DNAH5: variants seen among roughly 807,000 people sequenced by gnomAD.
DNAH5 encodes dynein axonemal heavy chain 5.
DNAH5 carries 372 observed loss-of-function variants against 518.2 expected under a neutral mutation model. The ratio of observed to expected loss-of-function variants is 0.72; its 90% confidence interval spans 0.66 to 0.78. DNAH5 has a LOEUF of 0.78. DNAH5 is among the 30% of genes least tolerant of loss of function. DNAH5 has a pLI of 0.00. For synonymous variants in DNAH5, 2,039 were observed against 2,025.9 expected, an observed-to-expected ratio of 1.01 and a Z score of -0.17; for missense variants, 5,523 against 5,687.0, an observed-to-expected ratio of 0.97 and a Z score of 0.93.
intron 62 of DNAH5, 48 bp downstream of exon 62, chr5:13,754,155 C>T (rs1416273965): frequency 6.2e-6 from 10 of 1,610,836 alleles, no homozygotes; most frequent in Non-Finnish European, 8.5e-6. Flanking sequence ...CTTTCGAATT[C>T]CCTATCACAG....
chr5:13,710,815 G>C (rs1418836589), intron 75 of DNAH5, among the ~76,000 whole-genome samples: 1 of 152,112 alleles, frequency 6.6e-6, no homozygotes, highest in Non-Finnish European at 1.5e-5. Flanking sequence ...GCTTTTATCA[G>C]GAAGAATTAG....
intron 3 of DNAH5, among the ~76,000 whole-genome samples, chr5:13,924,430 C>T (rs921600676): frequency 6.6e-6 from 1 of 151,826 alleles, no homozygotes; most frequent in African/African-American, 2.4e-5. Context: ...AATCCCAGCA[C>T]CTTGGGAGGC....
chr5:13,944,626 T>C lies in DNAH5; in HGVS notation c.-188A>G. The C allele has an allele frequency of 3.2e-6, 2 of 619,796 alleles. No individual in the cohort carries two copies. The highest frequency in any genetic ancestry group is 4.9e-5 in the Admixed American group (2 of 40,722). 38.4% of individuals were successfully genotyped at this position (619,796 alleles called of 1,614,324 possible). ...AAAATTAAAACTCCACTTATACCAC[T>C]CAAGTTTTTCTCCTAGAGTGTCTGC... On this transcript the variant is annotated 5_prime_UTR_variant, in exon 1 of 79. Coordinates refer to ENST00000265104, the MANE Select transcript of DNAH5 (RefSeq NM_001369.3).
intron 29 of DNAH5, among the ~76,000 whole-genome samples, chr5:13,860,778 C>T (rs1045658227): frequency 6.6e-6 from 1 of 152,182 alleles, no homozygotes; most frequent in African/African-American, 2.4e-5. Context: ...TACAGACAAA[C>T]TTAATCCTAA....
At position 13,931,237 on chromosome 5, in the gene DNAH5, A is replaced by G; in HGVS notation, c.65T>C (p.Leu22Pro). ...CCGCTTGGCTTCCTTCTCTCCCTTC[A>G]GTCTTTGCTAAAAGAAAAGAATAAA... is the stretch of plus-strand genomic sequence containing the variant. ...HSVTRVLTQRLKGEKEAKRAL... is the reference protein window; with the variant it reads ...HSVTRVLTQRPKGEKEAKRAL... Residue 22 changes from leucine to proline, a missense_variant, in exon 2 of 79, where the codon CTG becomes CCG. Around this residue, in one of 3 missense-constraint regions of DNAH5, gnomAD observed 5,121 missense variants for 5,223.3 expected, o/e 0.98. Transcript: ENST00000265104. 6.2e-7 allele frequency: 1 copy of G among 1,614,076 alleles called. No individual in the cohort carries two copies. Among genetic ancestry groups the G allele is most frequent in the East Asian group, 2.2e-5 (1 of 44,874 alleles).
rs143357437 is a variant in DNAH5, at chr5:13,770,944, C to A, written c.9410G>T (p.Cys3137Phe). ...CACCTCCTTCTTGATTTCCAAACTG[C>A]AGTCAATATCATAGGAAGTGAGGAA... ...EHFLTSYDIDCSLEIKKEVVQ... is the reference protein window; with the variant it reads ...EHFLTSYDIDFSLEIKKEVVQ... Residue 3137 changes from cysteine (C) to phenylalanine (F), a missense_variant, in exon 56 of 79, where the codon TGC (cysteine) becomes TTC (phenylalanine). By Grantham distance (205) the Cys-to-Phe change is radical. Around this residue, in one of 3 missense-constraint regions of DNAH5, gnomAD observed 5,121 missense variants for 5,223.3 expected, o/e 0.98. Transcript: ENST00000265104. 1.2e-5 allele frequency: 19 copies of A among 1,613,860 alleles called. 1 individual carries two copies. In the South Asian group the frequency reaches 2.1e-4, roughly 18 times the overall value.
chr5:13,955,779 G>A (rs1345436312), intron 1 of DNAH5, among the ~76,000 whole-genome samples: 1 of 151,964 alleles, frequency 6.6e-6, no homozygotes, highest in Non-Finnish European at 1.5e-5. Flanking sequence ...TCCTACGGAA[G>A]GTTTTCAAAA....
intron 70 of DNAH5, 70 bp downstream of exon 70, chr5:13,727,437 T>G (rs1454551785): frequency 7.1e-7 from 1 of 1,402,410 alleles, no homozygotes; most frequent in African/African-American, 1.5e-5. Context: ...TTAAAATATT[T>G]TTTTTAATTT....
chr5:13,911,509 A>T lies in DNAH5; in HGVS notation c.1537-16T>A. On this transcript the variant is annotated splice_polypyrimidine_tract_variant and intron_variant, in intron 11 of 78. Coordinates refer to ENST00000265104, the MANE Select transcript of DNAH5 (RefSeq NM_001369.3). ...CCACAATGCCCTGAAATATTATGAG[A>T]TAAATTAGATAATATTTCAATATTC... 1 of 1,564,478 alleles carries T rather than the reference A, an allele frequency of 6.4e-7. No individual in the cohort carries two copies. Among genetic ancestry groups the T allele is most frequent in the Non-Finnish European group, 8.8e-7 (1 of 1,136,136 alleles).
intron 74 of DNAH5, among the ~76,000 whole-genome samples, chr5:13,715,396 G>A (rs1744155238): frequency 6.6e-6 from 1 of 152,100 alleles, no homozygotes; most frequent in Admixed American, 6.6e-5. Context: ...AAAAATATAT[G>A]TACAGGCACC....
At chr5:13,766,370 T>C (rs565502555) in intron 58 of DNAH5, among the ~76,000 whole-genome samples, 191 bp from the exon 59 acceptor site, 4 of 152,280 alleles carry the variant, frequency 2.6e-5, no homozygotes, top group African/African-American at 9.6e-5. Flanking sequence ...TTTCTACTAT[T>C]CAAACTAGCA....
chr5:13,763,812 G>A (rs1752110206), intron 59 of DNAH5, among the ~76,000 whole-genome samples: 1 of 152,208 alleles, frequency 6.6e-6, no homozygotes, highest in African/African-American at 2.4e-5. Flanking sequence ...GGTCAGTGGT[G>A]ACAATGACAA....
At chr5:13,978,577 G>A (rs1782446946) in intron 1 of DNAH5, among the ~76,000 whole-genome samples, 1 of 152,178 alleles carries the variant, frequency 6.6e-6, no homozygotes, top group Non-Finnish European at 1.5e-5. Flanking sequence ...ACATGACAGT[G>A]TCCCATGAGA....
At chr5:13,953,480 A>G (rs575083433) in intron 1 of DNAH5, among the ~76,000 whole-genome samples, 1 of 152,318 alleles carries the variant, frequency 6.6e-6, no homozygotes, top group East Asian at 1.9e-4. Flanking sequence ...GGCACAATTA[A>G]CTACATAAAT....
intron 47 of DNAH5, among the ~76,000 whole-genome samples, chr5:13,799,501 C>G (rs1392983628): frequency 1.3e-5 from 2 of 152,136 alleles, no homozygotes; most frequent in African/African-American, 4.8e-5. Flanking sequence ...CCTATCACCA[C>G]TAAGCTATAC....
At chr5:13,837,970 G>T (rs532782796) in intron 35 of DNAH5, among the ~76,000 whole-genome samples, 322 of 152,080 alleles carry the variant, frequency 2.1e-3, no homozygotes, top group African/African-American at 7.4e-3. Flanking sequence ...AAAGCGCTGG[G>T]ATTACAAGCG....
chr5:13,914,433 A>G, intron 10 of DNAH5, 87 bp downstream of exon 10: 1 of 1,424,306 alleles, frequency 7.0e-7, no homozygotes, highest in Non-Finnish European at 9.7e-7. Flanking sequence ...TCAACCAATG[A>G]TATAATAATT....
At chr5:13,854,392 C>T (rs1202778742) in intron 30 of DNAH5, among the ~76,000 whole-genome samples, 1 of 152,182 alleles carries the variant, frequency 6.6e-6, no homozygotes, top group Non-Finnish European at 1.5e-5. Context: ...AAAGGAAAAA[C>T]CAGAACCAGC....
In DNAH5 at chr5:13,820,391, C is replaced by A. The variant is rs1023849945; in HGVS notation, c.6796G>T (p.Ala2266Ser). ...HGMMTLGPSGAGKTTCIHTLM... is the reference protein window; with the variant it reads ...HGMMTLGPSGSGKTTCIHTLM... The stretch of plus-strand genomic sequence containing the variant: ...GTGTGGATGCAGGTGGTCTTCCCAG[C>A]CCCACTGGGCCCCAGAGTCATCATC... The change falls in exon 41 of 79, where the codon GCT (alanine) becomes TCT (serine). Residue 2266 changes from alanine (A) to serine (S), a missense_variant. Physicochemically the swap from Ala to Ser is moderately conservative, Grantham distance 99. Transcript: ENST00000265104. 4.3e-6 allele frequency: 7 copies of A among 1,613,450 alleles called. No homozygotes were observed. Among genetic ancestry groups the A allele is most frequent in the South Asian group, 1.1e-5 (1 of 91,066 alleles).
Sources: allele counts gnomAD v4.1 joint callset (sites outside exome capture counted in the v4.1 genomes callset), GRCh38; gene constraint gnomAD v4.1.1; regional missense constraint gnomAD v4.1.1; transcripts MANE v1.5; gene names NCBI Gene and HGNC (gene_info 2026-07-23, HGNC 2026-07-21).